Variants in COL6A1 observed in about 807,000 individuals in gnomAD.
COL6A1 encodes the protein collagen alpha-1(VI) chain.
Under a neutral mutation model 145.6 loss-of-function variants are expected in COL6A1, and 80 were observed. That is an observed-to-expected ratio of 0.55 (90% CI 0.46 to 0.66). COL6A1 has a LOEUF of 0.66. Ranked by LOEUF, COL6A1 falls within the 30% of genes least tolerant of loss-of-function variation. COL6A1 has a pLI of 0.00. For synonymous variants in COL6A1, 638 were observed against 622.8 expected, an observed-to-expected ratio of 1.02 and a Z score of -0.36; for missense variants, 1,364 against 1,473.8, an observed-to-expected ratio of 0.93 and a Z score of 1.22.
intron 1 of COL6A1, among the ~76,000 whole-genome samples, chr21:45,982,383 C>T (rs913191511): frequency 1.3e-5 from 2 of 151,616 alleles, no homozygotes; most frequent in Non-Finnish European, 2.9e-5. Flanking sequence ...GTGCCGGGGA[C>T]GCCCTGCCCT....
chr21:45,992,986 T>A (rs558681383), intron 19 of COL6A1, among the ~76,000 whole-genome samples, 176 bp downstream of exon 19: 1 of 152,224 alleles, frequency 6.6e-6, no homozygotes, highest in East Asian at 1.9e-4. Flanking sequence ...CGCCCAGCCA[T>A]GTGCCTGATG....
rs768508076 is a variant in COL6A1 at position 45,998,112 on chromosome 21, C to T, written c.1525-9C>T. On this transcript the variant is annotated splice_polypyrimidine_tract_variant and intron_variant, in intron 22 of 34. Transcript: ENST00000361866. Reference sequence around the variant, plus strand: ...GATTCGCACGGTGACGGCTACTCTGCTCCCCCAGGGAGAAGACGGCCCCGC... The same window carrying T: ...GATTCGCACGGTGACGGCTACTCTGTTCCCCCAGGGAGAAGACGGCCCCGC... 35 of 1,611,734 alleles carry T rather than the reference C, an allele frequency of 2.2e-5. No individual in the cohort carries two copies. The Middle Eastern group carries it at 6.6e-4, about 30-fold the overall frequency.
intron 20 of COL6A1, among the ~76,000 whole-genome samples, chr21:45,997,170 C>T (rs2077809884): frequency 7.8e-6 from 1 of 129,020 alleles, no homozygotes; most frequent in African/African-American, 2.7e-5. Context: ...GGAGAGGCTT[C>T]ACCCCTCCGT....
intron 8 of COL6A1, 116 bp downstream of exon 8, chr21:45,987,770 G>C (rs201549465): frequency 3.8e-4 from 368 of 968,692 alleles, no homozygotes; most frequent in African/African-American, 9.5e-4. Flanking sequence ...GACGGCGGGG[G>C]TCCAGATGGA....
chr21:46,004,827 C>A lies in COL6A1; in HGVS notation c.*814C>A. ...GCTAACCCCGTCTGCTCCTCCCTCC[C>A]GCAGAGACTGGGGCCTGGACTGGAC... On this transcript the variant is annotated 3_prime_UTR_variant, in exon 35 of 35. Transcript: ENST00000361866. The A allele has an allele frequency of 3.2e-6, 1 of 316,002 alleles. No homozygotes were observed. Among genetic ancestry groups the A allele is most frequent in the South Asian group, 2.4e-5 (1 of 42,442 alleles). 19.6% of individuals were successfully genotyped at this position (316,002 alleles called of 1,614,324 possible).
intron 4 of COL6A1, 87 bp from the exon 5 acceptor site, chr21:45,986,857 C>A: frequency 6.5e-7 from 1 of 1,530,144 alleles, no homozygotes; most frequent in South Asian, 1.2e-5. Flanking sequence ...AGCGCCCCAG[C>A]CCAGCCTCCC....
rs184484842 is a variant in COL6A1, at chr21:46,001,957, A to G, written c.1957-4A>G. ...GCGTCCTGACCCCGGTGCCGGTCCCACAGTTCGAGCCAGGGCAGTCGTACG... is the reference window on the plus strand; with the variant it reads ...GCGTCCTGACCCCGGTGCCGGTCCCGCAGTTCGAGCCAGGGCAGTCGTACG... On this transcript the variant is annotated splice_polypyrimidine_tract_variant and splice_region_variant and intron_variant, in intron 30 of 34. Coordinates refer to ENST00000361866, the MANE Select transcript of COL6A1 (RefSeq NM_001848.3). 3.3e-5 allele frequency: 53 copies of G among 1,611,872 alleles called. 1 individual carries two copies. In the African/African-American group the frequency reaches 5.1e-4, roughly 15 times the overall value.
At chr21:45,989,313 C>T (rs754566416) in intron 9 of COL6A1, among the ~76,000 whole-genome samples, 176 bp downstream of exon 9, 3 of 152,220 alleles carry the variant, frequency 2.0e-5, no homozygotes, top group Non-Finnish European at 4.4e-5. Context: ...CACACAGCCC[C>T]CCAGGCAGCC....
Position 45,984,395 on chromosome 21 carries a change from C to A in COL6A1, c.354C>A (p.Asp118Glu). 1 of 1,612,728 alleles carries A rather than the reference C, an allele frequency of 6.2e-7. No homozygotes were observed. Among genetic ancestry groups the A allele is most frequent in the Non-Finnish European group, 8.5e-7 (1 of 1,179,962 alleles). Reference protein sequence around the residue: ...GGRDALKSSVDAVKYFGKGTY... With the variant: ...GGRDALKSSVEAVKYFGKGTY... ...GCGACGCACTCAAAAGCAGCGTGGA[C>A]GCGGTCAAGTACTTTGGGAAGGGCA... The change falls in exon 3 of 35, where the codon GAC becomes GAA. Residue 118 changes from aspartate (D) to glutamate (E), a missense_variant. Coordinates refer to ENST00000361866, the MANE Select transcript of COL6A1 (RefSeq NM_001848.3).
At chr21:46,000,827 G>A in intron 29 of COL6A1, 60 bp downstream of exon 29, 12 of 1,597,884 alleles carry the variant, frequency 7.5e-6, no homozygotes, top group Non-Finnish European at 1.0e-5. Flanking sequence ...AGCGAGGCCT[G>A]GGTCCCACAC....
chr21:45,999,018 C>T lies in COL6A1; in HGVS notation c.1674+59C>T. On this transcript the variant is annotated intron_variant, in intron 25 of 34. Transcript: ENST00000361866. ...GTCCACCTGAGCCAGAGGGCTGGGC[C>T]CTTGAAGGGCAGTGGACCAGGACCC... 2.6e-6 allele frequency: 4 copies of T among 1,548,190 alleles called. No individual in the cohort carries two copies. The South Asian group carries it at 4.8e-5, about 18-fold the overall frequency.
chr21:45,994,729 G>A lies in COL6A1; in HGVS notation c.1398+500G>A, dbSNP rs765955588. On this transcript the variant is annotated intron_variant, in intron 20 of 34. Transcript: ENST00000361866. This position sits in a 1 kb window ranked among gnomAD's most constrained non-coding sequence, Gnocchi z 6.8. ...CCTTCTCCGAGCCTCTGGAATCGCT[G>A]TGCACGCCGCACGGCTTTCTGTCTC... is the stretch of plus-strand genomic sequence containing the variant. Among the ~76,000 whole-genome samples, 1 of 152,192 alleles carries A rather than the reference G, an allele frequency of 6.6e-6. No homozygotes were observed. Among genetic ancestry groups the A allele is most frequent in the East Asian group, 1.9e-4 (1 of 5,194 alleles).
Position 46,003,836 on chromosome 21 carries a change from C to T in COL6A1, c.2910C>T (p.Phe970=), listed in dbSNP as rs759623301. The T allele has an allele frequency of 2.0e-5, 32 of 1,602,198 alleles. No homozygotes were observed. Among genetic ancestry groups the T allele is most frequent in the South Asian group, 5.5e-5 (5 of 90,752 alleles). ...CCCAGCGGGCAGGCATCGAGATCTT[C>T]GTGGTGGTCGTGGGCCGCCAGGTGA... The part of the protein sequence containing the change: ...QEAQRAGIEI[F]VVVVGRQVNE... The change falls in exon 35 of 35, where the codon TTC becomes TTT. Residue 970 remains phenylalanine, a synonymous_variant. Coordinates refer to ENST00000361866, the MANE Select transcript of COL6A1 (RefSeq NM_001848.3).
intron 11 of COL6A1, 136 bp from the exon 12 acceptor site, chr21:45,990,122 C>A: frequency 8.7e-7 from 1 of 1,149,720 alleles, no homozygotes; most frequent in Non-Finnish European, 1.3e-6. Flanking sequence ...CACTGTCAGT[C>A]CCCATGATTC....
At chr21:45,983,872 G>A (rs536580125) in intron 2 of COL6A1, among the ~76,000 whole-genome samples, 32 of 152,208 alleles carry the variant, frequency 2.1e-4, no homozygotes, top group African/African-American at 7.0e-4. Context: ...GGGCAGAGGT[G>A]GGCCCACCCC....
intron 2 of COL6A1, among the ~76,000 whole-genome samples, 157 bp downstream of exon 2, chr21:45,982,920 G>A (rs1314611313): frequency 1.3e-5 from 2 of 152,042 alleles, no homozygotes; most frequent in African/African-American, 4.8e-5. Context: ...CCAGAGTGAG[G>A]CCGGGGCCCT....
chr21:45,997,358 GT>G (rs1375632772), intron 20 of COL6A1, 62 bp from the exon 21 acceptor site: 2 of 1,506,446 alleles, frequency 1.3e-6, no homozygotes, highest in Non-Finnish European at 1.8e-6. Flanking sequence ...TCAGCTTAGG[GT>G]CAGGGAGGGC....
At chr21:45,991,871 T>TG in intron 15 of COL6A1, 139 bp from the exon 16 acceptor site, 2 of 797,528 alleles carry the variant, frequency 2.5e-6, no homozygotes, top group South Asian at 1.6e-5. Flanking sequence ...CTGAGGGTGC[T>TG]GGGGGGTCTG....
At position 46,002,513 on chromosome 21, in the gene COL6A1, G is replaced by C. The variant is rs1181113541; in HGVS notation, c.2251-14G>C. 6.2e-7 allele frequency: 1 copy of C among 1,613,882 alleles called. No homozygotes were observed. The highest frequency in any genetic ancestry group is 8.5e-7 in the Non-Finnish European group (1 of 1,179,820). On this transcript the variant is annotated splice_polypyrimidine_tract_variant and intron_variant, in intron 32 of 34. Transcript: ENST00000361866. ...GAGCAGGCTGCGCCACACCGATACT[G>C]TCTGTCCCCACAGGTGGTCTCCGTG...
Sources: gnomAD v4.1 joint callset for allele counts (sites outside exome capture counted in the v4.1 genomes callset) on GRCh38, gnomAD v4.1.1 for gene constraint, Gnocchi (gnomAD v3.1) non-coding constraint, MANE v1.5 for transcripts, NCBI Gene and HGNC (gene_info 2026-07-23, HGNC 2026-07-21) for gene names.